The following ATR variants were observed in gnomAD, a reference collection of about 807,000 sequenced individuals.
ATR encodes the protein ATR checkpoint kinase.
In ATR, 142 loss-of-function variants were observed where a neutral mutation model predicts 305.3. The ratio of observed to expected loss-of-function variants is 0.47; its 90% CI spans 0.41 to 0.53. ATR has a LOEUF of 0.53. Ranked by LOEUF, ATR falls within the 20% of genes least tolerant of loss-of-function variation. The pLI is 0.00. For synonymous variants in ATR, 1,050 were observed against 1,068.1 expected (o/e 0.98, Z 0.33); for missense variants, 2,135 against 3,133.1 (o/e 0.68, Z 7.60).
intron 8 of ATR, among the ~76,000 whole-genome samples, chr3:142,557,120 A>AT (rs71153975): frequency 0.63 from 95,136 of 151,832 alleles, 30,769 homozygotes; most frequent in African/African-American, 0.79. Context: ...GCAGATTCTG[A>AT]TCAGTAGGTC....
chr3:142,530,187 A>G (rs936987357), intron 21 of ATR, among the ~76,000 whole-genome samples: 10 of 152,006 alleles, frequency 6.6e-5, no homozygotes, highest in African/African-American at 2.4e-4. Context: ...CTAAATGTTT[A>G]GTCAAATATA....
At chr3:142,509,528 G>A (rs892757710) in intron 27 of ATR, among the ~76,000 whole-genome samples, 17 of 142,610 alleles carry the variant, frequency 1.2e-4, no homozygotes, top group African/African-American at 4.4e-4. Flanking sequence ...AAAATTTGTA[G>A]ATGATTTCAA....
chr3:142,578,180 G>A (rs985785851), intron 1 of ATR, among the ~76,000 whole-genome samples: 1 of 152,158 alleles, frequency 6.6e-6, no homozygotes, highest in Admixed American at 6.5e-5. Context: ...GAGAAGCGGT[G>A]ATTTTCTTTC....
Position 142,563,019 on chromosome 3 carries a change from C to A in ATR, c.383G>T (p.Cys128Phe). ...GCTTTTAAAAAGAAATAATAATGAA[C>A]AGATGACTTCACAGATTTTCTTGTG... ...LLHKKICEVI[C>F]SLLFLFKSKS... The change falls in exon 4 of 47, where the codon TGT (cysteine) becomes TTT (phenylalanine). Residue 128 changes from cysteine to phenylalanine, a missense_variant. Coordinates refer to ENST00000350721, the MANE Select transcript of ATR (RefSeq NM_001184.4). 1 of 1,599,290 alleles carries A rather than the reference C, an allele frequency of 6.3e-7. No individual in the cohort carries two copies. Among genetic ancestry groups the A allele is most frequent in the Non-Finnish European group, 8.5e-7 (1 of 1,175,408 alleles).
intron 26 of ATR, 34 bp downstream of exon 26, chr3:142,513,467 A>G (rs1387842347): frequency 6.2e-7 from 1 of 1,609,642 alleles, no homozygotes; most frequent in Non-Finnish European, 8.5e-7. Flanking sequence ...TAAGTTTCAC[A>G]TGTTCAAAAA....
chr3:142,473,192 T>C (rs901573491), intron 36 of ATR, among the ~76,000 whole-genome samples: 5 of 152,204 alleles, frequency 3.3e-5, no homozygotes, highest in Non-Finnish European at 7.3e-5. Flanking sequence ...GCCATGAACC[T>C]TTTCCTCTAT....
chr3:142,564,725 C>G (rs1258401277), intron 3 of ATR, among the ~76,000 whole-genome samples: 1 of 152,028 alleles, frequency 6.6e-6, no homozygotes, highest in Non-Finnish European at 1.5e-5. Context: ...AGTACTTACT[C>G]TTATTACATA....
intron 2 of ATR, 21 bp downstream of exon 2, chr3:142,568,042 A>G: frequency 1.9e-6 from 3 of 1,547,856 alleles, no homozygotes; most frequent in Non-Finnish European, 2.7e-6. Context: ...AAGTTTATAT[A>G]AGAAATAATT....
At chr3:142,560,555 T>A in intron 5 of ATR, 101 bp from the exon 6 acceptor site, 1 of 1,213,798 alleles carries the variant, frequency 8.2e-7, no homozygotes. Context: ...ATATCAACTA[T>A]TCAAAAAAAT....
chr3:142,521,927 G>A (rs897277851), intron 23 of ATR, among the ~76,000 whole-genome samples: 1 of 152,184 alleles, frequency 6.6e-6, no homozygotes, highest in Non-Finnish European at 1.5e-5. Flanking sequence ...GGTTTGAGAG[G>A]ACTCATTCAA....
chr3:142,449,255 TTTC>T lies in ATR; in HGVS notation c.*171_*173del. The T allele has an allele frequency of 1.6e-6, 1 of 617,644 alleles. No homozygotes were observed. Among genetic ancestry groups the T allele is most frequent in the Non-Finnish European group, 2.8e-6 (1 of 360,714 alleles). The allele number at this position is 617,644 out of a possible 1,614,324, so 38.3% of individuals were successfully genotyped here. On this transcript the variant is annotated 3_prime_UTR_variant, in exon 47 of 47. Coordinates refer to ENST00000350721, the MANE Select transcript of ATR (RefSeq NM_001184.4). ...CAGTATGTATTAAGAAAGCAGTTTA[TTTC>T]TTAATAACTGAATGTATATTATTTT...
intron 7 of ATR, 24 bp downstream of exon 7, chr3:142,559,227 G>A (rs1268455817): frequency 3.1e-6 from 5 of 1,599,930 alleles, no homozygotes; most frequent in Non-Finnish European, 4.3e-6. Flanking sequence ...AGGTTATTCT[G>A]ATCTGTTGCT....
At position 142,449,617 on chromosome 3, in the gene ATR, C is replaced by T. The variant is rs1189463606; in HGVS notation, c.7762-15G>A. 3 of 1,612,938 alleles carry T rather than the reference C, an allele frequency of 1.9e-6. No individual in the cohort carries two copies. The highest frequency in any genetic ancestry group is 1.1e-5 in the South Asian group (1 of 90,998). On this transcript the variant is annotated splice_polypyrimidine_tract_variant and intron_variant, in intron 46 of 46. Coordinates refer to ENST00000350721, the MANE Select transcript of ATR (RefSeq NM_001184.4). Reference sequence around the variant, plus strand: ...TGGGTCTTGGCCTAAAAAGAAGAAACATAAAACCAAAAACAGATGTTAATA... The same window carrying T: ...TGGGTCTTGGCCTAAAAAGAAGAAATATAAAACCAAAAACAGATGTTAATA...
intron 46 of ATR, chr3:142,451,555 G>T: frequency 7.5e-7 from 1 of 1,337,160 alleles, no homozygotes; most frequent in Non-Finnish European, 9.8e-7. Flanking sequence ...GTGGGCACTT[G>T]TCTGTATGCT....
At chr3:142,561,719 T>G (rs2034887290) in intron 4 of ATR, among the ~76,000 whole-genome samples, 1 of 152,180 alleles carries the variant, frequency 6.6e-6, no homozygotes, top group Non-Finnish European at 1.5e-5. Context: ...ATTACCAACT[T>G]TCTTCATGTA....
intron 8 of ATR, among the ~76,000 whole-genome samples, chr3:142,557,281 G>C (rs889158020): frequency 1.3e-5 from 2 of 151,820 alleles, no homozygotes; most frequent in African/African-American, 4.8e-5. Flanking sequence ...AAACAGCAAG[G>C]ACTTAGAATG....
Position 142,562,644 on chromosome 3 carries a change from G to A in ATR, c.758C>T (p.Thr253Ile). ...TAGTCCTCCAAGCTGAAAAAGTTCTGTTAAAAAGCTAATTGCTAGGGATTT... is the reference window on the plus strand; with the variant it reads ...TAGTCCTCCAAGCTGAAAAAGTTCTATTAAAAAGCTAATTGCTAGGGATTT... ...KIKSLAISFL[T>I]ELFQLGGLPA... is the part of the protein sequence containing the mutation. Residue 253 changes from threonine to isoleucine, a missense_variant, in exon 4 of 47, where the codon ACA becomes ATA. Thr to Ile is a moderately conservative substitution (Grantham distance 89). This residue lies in a region of ATR where 744 missense variants were observed against 873.2 expected (regional missense o/e 0.85). Transcript: ENST00000350721. 1 of 1,614,060 alleles carries A rather than the reference G, an allele frequency of 6.2e-7. No individual in the cohort carries two copies. The highest frequency in any genetic ancestry group is 1.7e-5 in the Admixed American group (1 of 60,008).
chr3:142,495,120 G>A (rs967132439), intron 34 of ATR, among the ~76,000 whole-genome samples: 1 of 152,134 alleles, frequency 6.6e-6, no homozygotes, highest in Non-Finnish European at 1.5e-5. Context: ...CAGAGAAGTA[G>A]GAAACATGAG....
Position 142,451,738 on chromosome 3 carries a change from C to G in ATR, c.7761+1390G>C, listed in dbSNP as rs2070794749. The G allele has an allele frequency of 1.6e-5, 19 of 1,159,426 alleles. No individual in the cohort carries two copies. In the South Asian group the frequency reaches 3.5e-4, roughly 21 times the overall value. 71.8% of individuals were successfully genotyped at this position (1,159,426 alleles called of 1,614,324 possible). ...GGGACTACAGGAGTGTGCCACTGAG[C>G]CCAGCTAATTAAAAAAAAACAAAAA... On this transcript the variant is annotated intron_variant, in intron 46 of 46. Transcript: ENST00000350721.
Sources: gnomAD v4.1 joint callset for allele counts (sites outside exome capture counted in the v4.1 genomes callset) on GRCh38, gnomAD v4.1.1 for gene constraint, gnomAD v4.1.1 regional missense constraint, MANE v1.5 for transcripts, NCBI Gene and HGNC (gene_info 2026-07-23, HGNC 2026-07-21) for gene names.